Variants in SYNE2 observed in about 807,000 individuals in gnomAD.
SYNE2 encodes spectrin repeat containing nuclear envelope protein 2.
SYNE2 carries 431 observed loss-of-function variants against 856.3 expected under a neutral mutation model. The ratio of observed to expected loss-of-function variants is 0.50; its 90% confidence interval spans 0.47 to 0.55. SYNE2 has a LOEUF of 0.55. SYNE2 is among the 20% of genes least tolerant of loss of function. The pLI, the probability that SYNE2 is intolerant of heterozygous loss-of-function variation, is 0.00. For missense variants in SYNE2, 8,129 were observed against 8,023.2 expected (o/e 1.01, Z -0.50); for synonymous variants, 2,923 against 2,872.3 (o/e 1.02, Z -0.56).
intron 1 of SYNE2, among the ~76,000 whole-genome samples, chr14:63,780,998 C>G (rs1887284057): frequency 6.6e-6 from 1 of 151,974 alleles, no homozygotes; most frequent in South Asian, 2.1e-4. Context: ...TCTTGGACAC[C>G]AGGCACGGTG....
At position 64,002,016 on chromosome 14, in the gene SYNE2, C is replaced by G. The variant is rs765556164; in HGVS notation, c.3721C>G (p.Leu1241Val). ...SLLLCGSDLP[L>V]HKMAIQGFHL... ...TCTTCTCTGTGGCTCGGACCTGCCT[C>G]TCCATAAAATGGCCATCCAGGGATT... Residue 1241 changes from leucine to valine, a missense_variant, in exon 29 of 116, where the codon CTC becomes GTC. Physicochemically the swap from Leu to Val is conservative, Grantham distance 32. Around this residue, in one of 3 missense-constraint regions of SYNE2, gnomAD observed 2,422 missense variants for 2,357.4 expected, o/e 1.03. Transcript: ENST00000555002. 12 of 1,613,848 alleles carry G rather than the reference C, an allele frequency of 7.4e-6. No individual in the cohort carries two copies. The East Asian group carries it at 2.7e-4, about 36-fold the overall frequency.
At position 64,226,254 on chromosome 14, in the gene SYNE2, T is replaced by C. The variant is rs1203510124; in HGVS notation, c.*728T>C. On this transcript the variant is annotated 3_prime_UTR_variant, in exon 116 of 116. Transcript: ENST00000555002. The stretch of plus-strand genomic sequence containing the variant: ...AGTAAATGCCAAACTACCGACTTGA[T>C]AGGGATGTTTTTGTAAGTTAATTTT... The C allele has an allele frequency of 1.3e-5, 2 of 151,780 alleles. No homozygotes were observed. Among genetic ancestry groups the C allele is most frequent in the African/African-American group, 4.9e-5 (2 of 41,142 alleles). The allele number at this position is 151,780 out of a possible 1,614,324, so 9.4% of individuals were successfully genotyped here.
At chr14:63,775,223 C>T (rs1422865158) in intron 1 of SYNE2, among the ~76,000 whole-genome samples, 2 of 152,032 alleles carry the variant, frequency 1.3e-5, no homozygotes, top group African/African-American at 4.8e-5. Context: ...TGATCCACCA[C>T]CTCGGCCTCC....
chr14:64,064,913 G>A (rs2097346792), intron 50 of SYNE2, among the ~76,000 whole-genome samples: 1 of 148,106 alleles, frequency 6.8e-6, no homozygotes, highest in South Asian at 2.1e-4. Flanking sequence ...AGTGCAGTGA[G>A]TGGCACAATT....
At chr14:64,183,120 G>A (rs538269453) in intron 96 of SYNE2, among the ~76,000 whole-genome samples, 8 of 151,854 alleles carry the variant, frequency 5.3e-5, no homozygotes, top group East Asian at 3.9e-4. Context: ...CTTCTCGGAC[G>A]GGGCGGCTGC....
chr14:63,886,441 T>G (rs1321513710), intron 1 of SYNE2, among the ~76,000 whole-genome samples: 1 of 152,220 alleles, frequency 6.6e-6, no homozygotes. Context: ...TTTCTTCCTT[T>G]TTTTAAATAA....
At chr14:64,194,810 AAAGC>A (rs1214551173) in intron 99 of SYNE2, among the ~76,000 whole-genome samples, 4 of 152,240 alleles carry the variant, frequency 2.6e-5, no homozygotes, top group African/African-American at 9.6e-5. Flanking sequence ...AGCACGGGCC[AAAGC>A]TCTGAAAAGA....
chr14:63,886,599 AG>A (rs767604172), intron 1 of SYNE2, among the ~76,000 whole-genome samples: 2 of 152,216 alleles, frequency 1.3e-5, no homozygotes, highest in Non-Finnish European at 2.9e-5. Context: ...CTCAACTGAC[AG>A]AATTTATCTT....
chr14:64,152,510 A>AT, intron 84 of SYNE2, 54 bp from the exon 85 acceptor site: 1 of 1,586,294 alleles, frequency 6.3e-7, no homozygotes. Context: ...CTGACACCTT[A>AT]TTAATTGTTT....
At chr14:64,033,153 A>G (rs8010586) in intron 45 of SYNE2, among the ~76,000 whole-genome samples, 120,449 of 151,684 alleles carry the variant, frequency 0.79, 48,787 homozygotes, top group Non-Finnish European at 0.88. Flanking sequence ...GGGCAATAGC[A>G]CAACACCTTG....
intron 2 of SYNE2, among the ~76,000 whole-genome samples, chr14:63,938,232 G>A (rs2153411827): frequency 6.6e-6 from 1 of 152,202 alleles, no homozygotes; most frequent in African/African-American, 2.4e-5. Flanking sequence ...GAGTTGGGAG[G>A]ATTGCTTGAG....
intron 1 of SYNE2, among the ~76,000 whole-genome samples, chr14:63,774,611 T>G (rs1887044983): frequency 2.7e-5 from 4 of 150,834 alleles, no homozygotes; most frequent in Admixed American, 2.0e-4. Context: ...CACGGCTCAC[T>G]GCAGCCCCCA....
Position 64,126,825 on chromosome 14 carries a change from C to T in SYNE2, c.13917+18C>T. 1 of 1,606,820 alleles carries T rather than the reference C, an allele frequency of 6.2e-7. No individual in the cohort carries two copies. The highest frequency in any genetic ancestry group is 1.1e-5 in the South Asian group (1 of 91,070). The stretch of plus-strand genomic sequence containing the variant: ...GTTACCAGGTATGATTCCGAGCACA[C>T]AGCCTATTTTGGCACTGTTTTAAGT... On this transcript the variant is annotated intron_variant, in intron 73 of 115. Transcript: ENST00000555002.
At chr14:63,921,489 G>A (rs1447402345) in intron 2 of SYNE2, among the ~76,000 whole-genome samples, 1 of 152,184 alleles carries the variant, frequency 6.6e-6, no homozygotes, top group Non-Finnish European at 1.5e-5. Context: ...AGCTTGAGAA[G>A]GGATGTCCAG....
At position 64,107,525 on chromosome 14, in the gene SYNE2, C is replaced by T. The variant is rs530750429; in HGVS notation, c.12527C>T (p.Ser4176Phe). The T allele has an allele frequency of 1.2e-6, 2 of 1,614,144 alleles. No individual in the cohort carries two copies. The highest frequency in any genetic ancestry group is 1.3e-5 in the African/African-American group (1 of 75,036). ...GGGAAAATAAGCACCTCTGATAATT[C>T]CATGGCACAAATCCTCACACCAGAC... ...AYGKISTSDN[S>F]MAQILTPDSL... is the part of the protein sequence containing the mutation. Residue 4176 changes from serine (S) to phenylalanine (F), a missense_variant, in exon 65 of 116, where the codon TCC becomes TTC. Around this residue, in one of 3 missense-constraint regions of SYNE2, gnomAD observed 5,410 missense variants for 5,284.8 expected, o/e 1.02. Coordinates refer to ENST00000555002, the MANE Select transcript of SYNE2 (RefSeq NM_182914.3).
At chr14:64,139,220 C>G (rs2153689982) in intron 79 of SYNE2, among the ~76,000 whole-genome samples, 1 of 149,882 alleles carries the variant, frequency 6.7e-6, no homozygotes, top group Middle Eastern at 3.4e-3. Flanking sequence ...TGGGCTCAAG[C>G]CATCCTCCCA....
At chr14:64,151,629 A>AG (rs1343252947) in intron 84 of SYNE2, among the ~76,000 whole-genome samples, 1 of 151,954 alleles carries the variant, frequency 6.6e-6, no homozygotes, top group Non-Finnish European at 1.5e-5. Context: ...ACATGAGCTA[A>AG]GGGTCGTTAT....
intron 32 of SYNE2, among the ~76,000 whole-genome samples, chr14:64,011,168 G>A (rs923387369): frequency 6.6e-5 from 10 of 152,164 alleles, no homozygotes; most frequent in African/African-American, 2.4e-4. Context: ...GCCCTTGTCT[G>A]GGACCCACTT....
chr14:64,159,246 GC>G, intron 86 of SYNE2, 65 bp from the exon 87 acceptor site: 1 of 1,606,782 alleles, frequency 6.2e-7, no homozygotes, highest in Non-Finnish European at 8.5e-7. Context: ...GTGTTGAGAA[GC>G]TGCCACCTTC....
Sources: gnomAD v4.1 joint callset for allele counts (sites outside exome capture counted in the v4.1 genomes callset) on GRCh38, gnomAD v4.1.1 for gene constraint, gnomAD v4.1.1 regional missense constraint, MANE v1.5 for transcripts, NCBI Gene and HGNC (gene_info 2026-07-23, HGNC 2026-07-21) for gene names.